Variants in MUC12 observed in about 807,000 individuals in gnomAD.
MUC12 encodes mucin-12.
MUC12 carries 172 observed loss-of-function variants against 230.8 expected under a neutral mutation model. The ratio of observed to expected loss-of-function variants is 0.75; its 90% CI spans 0.66 to 0.85. The LOEUF is 0.85. MUC12 is among the 40% of genes least tolerant of loss of function. MUC12 has a pLI of 0.00. For missense variants in MUC12, 3,506 were observed against 5,920.6 expected (o/e 0.59, Z 13.38); for synonymous variants, 1,259 against 2,401.9 (o/e 0.52, Z 13.91).
chr7:100,976,870 G>T (rs749206519), intron 1 of MUC12, among the ~76,000 whole-genome samples: 1 of 151,726 alleles, frequency 6.6e-6, no homozygotes, highest in African/African-American at 2.4e-5. Flanking sequence ...GGCCAACATG[G>T]TGAAACCCCA....
intron 1 of MUC12, among the ~76,000 whole-genome samples, chr7:100,976,866 C>A (rs896736280): frequency 7.2e-5 from 11 of 151,798 alleles, no homozygotes; most frequent in Non-Finnish European, 2.9e-5. Flanking sequence ...GCCTGGCCAA[C>A]ATGGTGAAAC....
Position 100,991,892 on chromosome 7 carries a change from C to T in MUC12, c.1329C>T (p.Ser443=). The T allele has an allele frequency of 2.0e-6, 3 of 1,537,998 alleles. No homozygotes were observed. The highest frequency in any genetic ancestry group is 2.6e-6 in the Non-Finnish European group (3 of 1,147,078). Residue 443 remains serine (S), a synonymous_variant, in exon 2 of 12, where the codon AGC becomes AGT. Coordinates refer to ENST00000536621, the MANE Select transcript of MUC12 (RefSeq NM_001164462.2). Reference sequence around the variant, plus strand: ...AGGAATCAAAAGCATCCCACAGCAGCCCAGATGCAATGGCAACAACAGTCT... The same window carrying T: ...AGGAATCAAAAGCATCCCACAGCAGTCCAGATGCAATGGCAACAACAGTCT... ...RSEESKASHS[S]PDAMATTVLP...
chr7:100,990,563 G>C (rs61747298), intron 1 of MUC12, 68 bp from the exon 2 acceptor site: 6 of 1,522,834 alleles, frequency 3.9e-6, no homozygotes, highest in East Asian at 4.9e-5. Flanking sequence ...TGTCAGAATT[G>C]ACTGCCACCA....
Position 101,003,191 on chromosome 7 carries a change from T to C in MUC12, c.12628T>C (p.Ser4210Pro). The C allele has an allele frequency of 2.1e-6, 2 of 952,120 alleles. No individual in the cohort carries two copies. The allele number at this position is 952,120 out of a possible 1,614,324, so 59.0% of individuals were successfully genotyped here. ...ACTTTCACCTGCCAGCACGACAAGC[T>C]CAGGCGTCAGTGAAGAATCCACCAC... ...TTLSPASTTS[S>P]GVSEESTTSH... The change falls in exon 2 of 12, where the codon TCA becomes CCA. Residue 4210 changes from serine to proline, a missense_variant. Coordinates refer to ENST00000536621, the MANE Select transcript of MUC12 (RefSeq NM_001164462.2).
chr7:100,980,009 T>C (rs1257951080), intron 1 of MUC12, among the ~76,000 whole-genome samples: 1 of 151,412 alleles, frequency 6.6e-6, no homozygotes, highest in Non-Finnish European at 1.5e-5. Flanking sequence ...TGGGGGCACA[T>C]TGAGAACTCG....
rs570319080 is a variant in MUC12 at position 100,972,103 on chromosome 7, G to T, written c.67+2414G>T. The T allele has an allele frequency of 5.0e-4, 354 of 702,852 alleles. No individual in the cohort carries two copies. The African/African-American group carries it at 5.4e-3, about 11-fold the overall frequency. The allele number at this position is 702,852 out of a possible 1,614,324, so 43.5% of individuals were successfully genotyped here. A position where few individuals can be genotyped will look rare whatever the true frequency, so the allele number is the denominator to read the frequency against. Reference sequence around the variant, plus strand: ...ATCTGATTAGATCCAGAGACCCCCTGCCCTCCTCTTGCAGAGGGCTCTGCT... The same window carrying T: ...ATCTGATTAGATCCAGAGACCCCCTTCCCTCCTCTTGCAGAGGGCTCTGCT... On this transcript the variant is annotated intron_variant, in intron 1 of 11. Coordinates refer to ENST00000536621, the MANE Select transcript of MUC12 (RefSeq NM_001164462.2).
intron 4 of MUC12, 83 bp downstream of exon 4, chr7:101,008,844 T>G (rs1333734037): frequency 6.9e-7 from 1 of 1,456,378 alleles, no homozygotes; most frequent in Non-Finnish European, 9.1e-7. Flanking sequence ...CTTAGTGATC[T>G]GAGTTCTTCT....
At chr7:101,008,783 A>T in intron 4 of MUC12, 22 bp downstream of exon 4, 1 of 1,534,392 alleles carries the variant, frequency 6.5e-7, no homozygotes, top group South Asian at 1.2e-5. Flanking sequence ...GCACACCCAG[A>T]CACCCCAGGG....
At chr7:101,006,067 G>C (rs1362193494) in intron 2 of MUC12, among the ~76,000 whole-genome samples, 1 of 152,048 alleles carries the variant, frequency 6.6e-6, no homozygotes, top group African/African-American at 2.4e-5. Flanking sequence ...CAAAGTGCTG[G>C]GATTACAGGT....
Position 100,990,986 on chromosome 7 carries a change from C to G in MUC12, c.423C>G (p.Tyr141Ter). 1 of 1,537,896 alleles carries G rather than the reference C, an allele frequency of 6.5e-7. No individual in the cohort carries two copies. ...TGAGTGAGAAATCTACCACCTTCTA[C>G]AGTAGCCCCAGATCACCAGACAGAA... is the stretch of plus-strand genomic sequence containing the variant. ...AGLSEKSTTF[Y>*]SSPRSPDRTL... The change falls in exon 2 of 12, where the codon TAC becomes TAG. Residue 141 changes from tyrosine (Y) to a stop codon, truncating the protein, a stop_gained. Transcript: ENST00000536621. LOFTEE classifies it high-confidence loss of function.
intron 1 of MUC12, among the ~76,000 whole-genome samples, chr7:100,980,217 AT>A (rs1793085920): frequency 6.6e-6 from 1 of 151,968 alleles, no homozygotes; most frequent in African/African-American, 2.4e-5. Flanking sequence ...AAATTTTTGT[AT>A]TTTTAGTAGA....
rs1319418294 is a variant in MUC12, at chr7:101,014,093, C to T, written c.15800+19C>T. The T allele has an allele frequency of 2.0e-6, 3 of 1,516,578 alleles. No individual in the cohort carries two copies. The allele number at this position is 1,516,578 out of a possible 1,614,324, so 93.9% of individuals were successfully genotyped here. A position where few individuals can be genotyped will look rare whatever the true frequency, so the allele number is the denominator to read the frequency against. Reference sequence around the variant, plus strand: ...GGCACAGGTGAGCTTGTGAGGCCAGCACCGCAGGCCCACACAGAGGGGACA... The same window carrying T: ...GGCACAGGTGAGCTTGTGAGGCCAGTACCGCAGGCCCACACAGAGGGGACA... On this transcript the variant is annotated intron_variant, in intron 9 of 11. Coordinates refer to ENST00000536621, the MANE Select transcript of MUC12 (RefSeq NM_001164462.2).
intron 5 of MUC12, among the ~76,000 whole-genome samples, chr7:101,011,899 A>T (rs1793843931): frequency 6.6e-6 from 1 of 152,224 alleles, no homozygotes; most frequent in Non-Finnish European, 1.5e-5. Context: ...TTTTGTATAT[A>T]TACCCAGAAG....
Position 100,991,938 on chromosome 7 carries a change from T to A in MUC12, c.1375T>A (p.Ser459Thr), listed in dbSNP as rs1793322327. 1 of 1,537,700 alleles carries A rather than the reference T, an allele frequency of 6.5e-7. No individual in the cohort carries two copies. The highest frequency in any genetic ancestry group is 2.0e-5 in the Admixed American group (1 of 50,966). The change falls in exon 2 of 12, where the codon TCA becomes ACA. Residue 459 changes from serine to threonine, a missense_variant. Ser to Thr is a moderately conservative substitution (Grantham distance 58, BLOSUM62 1). Coordinates refer to ENST00000536621, the MANE Select transcript of MUC12 (RefSeq NM_001164462.2). ...AGTCTTACCTGCCGGCTCTACACCCTCAGTTCTTGTTGGAGACTCGACGCC... is the reference window on the plus strand; with the variant it reads ...AGTCTTACCTGCCGGCTCTACACCCACAGTTCTTGTTGGAGACTCGACGCC... ...TTVLPAGSTP[S>T]VLVGDSTPSP...
chr7:100,981,293 C>T (rs987613081), intron 1 of MUC12: 5 of 486,556 alleles, frequency 1.0e-5, no homozygotes, highest in African/African-American at 4.1e-5. Context: ...TTGGGGACAC[C>T]GTTGCCACCA....
chr7:101,017,541 G>T, intron 10 of MUC12, 34 bp from the exon 11 acceptor site: 1 of 1,394,380 alleles, frequency 7.2e-7, no homozygotes, highest in Non-Finnish European at 9.8e-7. Flanking sequence ...CCCCTACCAA[G>T]GCTCCCATCA....
rs760280631 is a variant in MUC12 at position 100,991,667 on chromosome 7, T to A, written c.1104T>A (p.Thr368=). 3.8e-5 allele frequency: 59 copies of A among 1,537,508 alleles called. No homozygotes were observed. In the African/African-American group the frequency reaches 6.8e-4, roughly 18 times the overall value. Residue 368 remains threonine (T), a synonymous_variant, in exon 2 of 12, where the codon ACT becomes ACA. Coordinates refer to ENST00000536621, the MANE Select transcript of MUC12 (RefSeq NM_001164462.2). ...STAYHRSPGS[T]QTMHFPESST... The stretch of plus-strand genomic sequence containing the variant: ...CCTACCACAGGAGCCCGGGCTCAAC[T>A]CAAACAATGCACTTCCCTGAAAGCT...
At chr7:101,013,213 C>A (rs1793863798) in intron 8 of MUC12, 71 bp downstream of exon 8, 2 of 1,505,620 alleles carry the variant, frequency 1.3e-6, no homozygotes, top group African/African-American at 1.4e-5. Context: ...CAGCAGTCAC[C>A]CACAGGGTTG....
At chr7:100,971,925 C>T (rs1045664362) in intron 1 of MUC12, among the ~76,000 whole-genome samples, 10 of 152,312 alleles carry the variant, frequency 6.6e-5, no homozygotes, top group South Asian at 2.1e-4. Flanking sequence ...CAAAAACCCC[C>T]GTTCCTCAGG....
Sources: allele counts gnomAD v4.1 joint callset (sites outside exome capture counted in the v4.1 genomes callset), GRCh38; gene constraint gnomAD v4.1.1; transcripts MANE v1.5; gene names NCBI Gene and HGNC (gene_info 2026-07-23, HGNC 2026-07-21).